RERE: variants seen among roughly 807,000 people sequenced by gnomAD.
RERE encodes the protein arginine-glutamic acid dipeptide repeats.
RERE carries 40 observed loss-of-function variants against 146.1 expected under a neutral mutation model. That is an observed-to-expected ratio of 0.27 (90% CI 0.21 to 0.36). The LOEUF is 0.36. RERE is among the 10% of genes least tolerant of loss of function. The pLI is 1.00. For missense variants in RERE, 1,933 were observed against 2,138.7 expected (o/e 0.90, Z 1.90); for synonymous variants, 1,003 against 866.0 (o/e 1.16, Z -2.78).
chr1:8,522,797 C>T (rs186873970), intron 7 of RERE, among the ~76,000 whole-genome samples: 1 of 151,806 alleles, frequency 6.6e-6, no homozygotes, highest in African/African-American at 2.4e-5. Flanking sequence ...CGCTTGAACC[C>T]AGGAGGCGGA....
intron 1 of RERE, among the ~76,000 whole-genome samples, chr1:8,695,617 C>T (rs1304927334): frequency 7.3e-6 from 1 of 136,486 alleles, no homozygotes; most frequent in South Asian, 2.3e-4. Context: ...AAAAAAAAGC[C>T]AGGCATGGTA....
chr1:8,768,264 C>T (rs1640884356), intron 1 of RERE, among the ~76,000 whole-genome samples: 1 of 152,156 alleles, frequency 6.6e-6, no homozygotes, highest in East Asian at 1.9e-4. Context: ...GATGTATGTA[C>T]TTACACAGGA....
chr1:8,364,155 C>A lies in RERE; in HGVS notation c.1641G>T (p.Lys547Asn). 6.2e-7 allele frequency: 1 copy of A among 1,614,126 alleles called. No homozygotes were observed. Among genetic ancestry groups the A allele is most frequent in the Non-Finnish European group, 8.5e-7 (1 of 1,180,018 alleles). Residue 547 changes from lysine to asparagine, a missense_variant, in exon 15 of 23, where the codon AAG (lysine) becomes AAT (asparagine). Physicochemically the swap from Lys to Asn is moderately conservative, Grantham distance 94. Transcript: ENST00000400908. This position sits in a 1 kb window ranked among gnomAD's most constrained non-coding sequence, Gnocchi z 5.1. ...ACATAAACGGTGGCGGGTCCACGGG[C>A]TTCTCAATGGGCGGGAGCTCACCGT... ...KKYGELPPIE[K>N]PVDPPPFMFK...
intron 12 of RERE, among the ~76,000 whole-genome samples, chr1:8,391,327 TGAGAACA>T (rs1642877349): frequency 1.3e-5 from 2 of 152,208 alleles, no homozygotes; most frequent in African/African-American, 4.8e-5. Context: ...TGTAAAGCAC[TGAGAACA>T]GTGCCTGGCA....
In RERE at chr1:8,356,124, C is replaced by T; in HGVS notation, c.4462G>A (p.Glu1488Lys). ...PLLGQPPHEHEMLRHPVFGTP... is the reference protein window; with the variant it reads ...PLLGQPPHEHKMLRHPVFGTP... Reference sequence around the variant, plus strand: ...CCGAAAACTGGGTGGCGAAGCATCTCGTGCTCGTGTGGGGGCTGTCCAAGC... The same window carrying T: ...CCGAAAACTGGGTGGCGAAGCATCTTGTGCTCGTGTGGGGGCTGTCCAAGC... Residue 1488 changes from glutamate (E) to lysine (K), a missense_variant, in exon 21 of 23, where the codon GAG becomes AAG. By Grantham distance (56) the Glu-to-Lys change is moderately conservative. Transcript: ENST00000400908. This position sits in a 1 kb window ranked among gnomAD's most constrained non-coding sequence, Gnocchi z 5.2. 6.6e-7 allele frequency: 1 copy of T among 1,507,160 alleles called. No homozygotes were observed. Among genetic ancestry groups the T allele is most frequent in the Non-Finnish European group, 8.8e-7 (1 of 1,131,510 alleles). 93.4% of individuals were successfully genotyped at this position (1,507,160 alleles called of 1,614,324 possible). A position where few individuals can be genotyped will look rare whatever the true frequency, so the allele number is the denominator to read the frequency against.
chr1:8,602,599 C>T (rs1646647064), intron 4 of RERE, among the ~76,000 whole-genome samples: 1 of 151,596 alleles, frequency 6.6e-6, no homozygotes. Flanking sequence ...GCCAGGAATA[C>T]TTGTTTGGTT....
chr1:8,540,277 T>G (rs1320026411), intron 7 of RERE, among the ~76,000 whole-genome samples: 2 of 151,998 alleles, frequency 1.3e-5, no homozygotes, highest in Non-Finnish European at 2.9e-5. Context: ...TATTTTATAT[T>G]TTGTTGAGAG....
intron 1 of RERE, among the ~76,000 whole-genome samples, chr1:8,664,829 TA>T (rs1166050737): frequency 6.6e-6 from 1 of 152,188 alleles, no homozygotes; most frequent in Non-Finnish European, 1.5e-5. Flanking sequence ...GGTTCTTGAT[TA>T]GTCTCTTCAA....
intron 1 of RERE, among the ~76,000 whole-genome samples, chr1:8,685,906 T>C (rs1557480722): frequency 6.6e-6 from 1 of 152,090 alleles, no homozygotes; most frequent in African/African-American, 2.4e-5. Context: ...TGGAGCTATA[T>C]CTTCTGAGTG....
chr1:8,662,444 G>C (rs1638475540), intron 1 of RERE, among the ~76,000 whole-genome samples: 1 of 152,230 alleles, frequency 6.6e-6, no homozygotes. Context: ...GGATAACAAA[G>C]TGGAGAAATC....
intron 12 of RERE, among the ~76,000 whole-genome samples, chr1:8,391,659 C>A (rs72636930): frequency 6.6e-6 from 1 of 152,148 alleles, no homozygotes; most frequent in Admixed American, 6.5e-5. Context: ...TCTCATAATA[C>A]TCAGCAGATT....
intron 1 of RERE, among the ~76,000 whole-genome samples, chr1:8,708,920 T>G (rs2124452911): frequency 7.3e-6 from 1 of 137,598 alleles, no homozygotes; most frequent in East Asian, 2.0e-4. Context: ...TTTTTTTTTT[T>G]TTTTTTTTTT....
Position 8,567,725 on chromosome 1 carries a change from AAAAC to A in RERE, c.523-10206_523-10203del, listed in dbSNP as rs1463193636. 3.9e-5 allele frequency among the ~76,000 whole-genome samples: 6 copies of A among 152,342 alleles called. No homozygotes were observed. The East Asian group carries it at 1.2e-3, about 29-fold the overall frequency. ...TGTATTTGTTTGTAGCAGAGAGGCC[AAAAC>A]TAAGCACAGGTAAAACCTTGGGAAT... On this transcript the variant is annotated intron_variant, in intron 4 of 22. Coordinates refer to ENST00000400908, the MANE Select transcript of RERE (RefSeq NM_001042681.2).
At chr1:8,705,188 C>T (rs868468756) in intron 1 of RERE, among the ~76,000 whole-genome samples, 7 of 152,190 alleles carry the variant, frequency 4.6e-5, no homozygotes, top group Non-Finnish European at 7.3e-5. Flanking sequence ...AGAAGCAAAC[C>T]GCTCTATTCT....
At chr1:8,724,179 A>G (rs1262369957) in intron 1 of RERE, among the ~76,000 whole-genome samples, 1 of 152,202 alleles carries the variant, frequency 6.6e-6, no homozygotes, top group African/African-American at 2.4e-5. Flanking sequence ...TATTTTTGGT[A>G]GTAACAAAAC....
At chr1:8,539,029 T>C (rs1237967350) in intron 7 of RERE, among the ~76,000 whole-genome samples, 1 of 152,210 alleles carries the variant, frequency 6.6e-6, no homozygotes. Flanking sequence ...TAACTAACAT[T>C]TGTAAAAAAT....
intron 1 of RERE, among the ~76,000 whole-genome samples, chr1:8,729,236 T>TG (rs1640034016): frequency 6.8e-6 from 1 of 147,694 alleles, no homozygotes; most frequent in Non-Finnish European, 1.5e-5. Flanking sequence ...TTTTTTTTTT[T>TG]TTATTGAGAT....
intron 12 of RERE, among the ~76,000 whole-genome samples, chr1:8,421,571 C>A (rs978990514): frequency 6.6e-6 from 1 of 152,084 alleles, no homozygotes; most frequent in Non-Finnish European, 1.5e-5. Flanking sequence ...TTTATATATA[C>A]AAGACTATAC....
intron 1 of RERE, among the ~76,000 whole-genome samples, chr1:8,726,176 A>C (rs1639964013): frequency 1.0e-5 from 1 of 95,376 alleles, no homozygotes; most frequent in African/African-American, 5.1e-5. Flanking sequence ...TTTTTTTGAG[A>C]CGGAGTCTTG....
Sources: allele counts gnomAD v4.1 joint callset (sites outside exome capture counted in the v4.1 genomes callset), GRCh38; gene constraint gnomAD v4.1.1; non-coding constraint Gnocchi (gnomAD v3.1); transcripts MANE v1.5; gene names NCBI Gene and HGNC (gene_info 2026-07-23, HGNC 2026-07-21).